The following KIAA1217 variants were observed in gnomAD, a reference collection of about 807,000 sequenced individuals.
KIAA1217 encodes sickle tail protein homolog.
A neutral mutation model predicts 163.9 loss-of-function variants in KIAA1217; 88 were observed. The ratio of observed to expected loss-of-function variants is 0.54; its 90% confidence interval spans 0.45 to 0.64. KIAA1217 has a LOEUF of 0.64. KIAA1217 is among the 30% of genes least tolerant of loss of function. The pLI, the probability that KIAA1217 is intolerant of heterozygous loss-of-function variation, is 0.00. For synonymous variants in KIAA1217, 903 were observed against 923.1 expected (o/e 0.98, Z 0.39); for missense variants, 2,372 against 2,475.0 (o/e 0.96, Z 0.88).
At chr10:24,405,868 A>T (rs188386787) in intron 3 of KIAA1217, among the ~76,000 whole-genome samples, 1 of 152,328 alleles carries the variant, frequency 6.6e-6, no homozygotes, top group Admixed American at 6.5e-5. Flanking sequence ...TCCCCTCTTG[A>T]GCATAATGAA....
intron 1 of KIAA1217, among the ~76,000 whole-genome samples, chr10:23,923,557 A>C (rs1842921815): frequency 6.6e-6 from 1 of 152,146 alleles, no homozygotes; most frequent in Admixed American, 6.5e-5. Context: ...AGATTTGACT[A>C]CACACAGGAT....
At chr10:23,938,179 C>T (rs577696841) in intron 1 of KIAA1217, among the ~76,000 whole-genome samples, 36 of 152,236 alleles carry the variant, frequency 2.4e-4, no homozygotes, top group Non-Finnish European at 3.7e-4. Context: ...TCAGAGCTCA[C>T]GCAAGACTTG....
At chr10:24,489,892 A>G (rs2133614892) in intron 6 of KIAA1217, among the ~76,000 whole-genome samples, 1 of 148,718 alleles carries the variant, frequency 6.7e-6, no homozygotes, top group Admixed American at 6.7e-5. Context: ...AAAAGGTTCT[A>G]TAAATGGAGT....
chr10:23,696,011 G>A (rs911010240), intron 1 of KIAA1217, among the ~76,000 whole-genome samples: 3 of 152,168 alleles, frequency 2.0e-5, no homozygotes, highest in South Asian at 2.1e-4. Flanking sequence ...CGGGTCCTCC[G>A]AGACCCCGGA....
intron 2 of KIAA1217, among the ~76,000 whole-genome samples, chr10:24,069,397 C>T (rs1313484524): frequency 6.6e-6 from 1 of 152,130 alleles, no homozygotes; most frequent in African/African-American, 2.4e-5. Context: ...TTCAAACTGC[C>T]ACCTTTGTTC....
rs35966270 is a variant in KIAA1217 at position 24,090,332 on chromosome 10, C to CTTTTTTTTT, written c.-171+82978_-171+82986dup. Among the ~76,000 whole-genome samples the CTTTTTTTTT allele has an allele frequency of 4.6e-4, 27 of 58,936 alleles. 6 individuals carry two copies. Among genetic ancestry groups the CTTTTTTTTT allele is most frequent in the African/African-American group, 2.8e-3 (24 of 8,546 alleles). 38.7% of individuals were successfully genotyped at this position (58,936 alleles called of 152,430 possible). On this transcript the variant is annotated intron_variant, in intron 2 of 18. Transcript: ENST00000376462. ...CAGGCATGCACCCTCACATCCTGCT[C>CTTTTTTTTT]TTTTTTTTTTTTTTTTTTTTTTTTT...
At chr10:23,858,672 G>T (rs1839818226) in intron 1 of KIAA1217, among the ~76,000 whole-genome samples, 1 of 151,960 alleles carries the variant, frequency 6.6e-6, no homozygotes, top group South Asian at 2.1e-4. Context: ...ATCAGTCCTA[G>T]GATCCCTCCA....
chr10:24,114,323 T>C (rs1403188554), intron 2 of KIAA1217, among the ~76,000 whole-genome samples: 1 of 151,892 alleles, frequency 6.6e-6, no homozygotes, highest in Non-Finnish European at 1.5e-5. Flanking sequence ...ACATGTACCC[T>C]AAAACTTAAA....
chr10:23,836,407 A>C (rs573576549), intron 1 of KIAA1217, among the ~76,000 whole-genome samples: 1 of 152,220 alleles, frequency 6.6e-6, no homozygotes, highest in African/African-American at 2.4e-5. Context: ...AAGGAGGACC[A>C]TGTGAAGACA....
chr10:24,281,799 G>A (rs890892813), intron 2 of KIAA1217, among the ~76,000 whole-genome samples: 1 of 152,054 alleles, frequency 6.6e-6, no homozygotes, highest in African/African-American at 2.4e-5. Flanking sequence ...GGTGGCTCAC[G>A]CCTGTAATCC....
intron 1 of KIAA1217, among the ~76,000 whole-genome samples, chr10:23,973,642 A>G (rs1430669783): frequency 6.6e-6 from 1 of 152,222 alleles, no homozygotes; most frequent in Non-Finnish European, 1.5e-5. Context: ...TTCTTATGTC[A>G]TTGAATATAC....
At chr10:23,759,139 G>T (rs1834107293) in intron 1 of KIAA1217, among the ~76,000 whole-genome samples, 1 of 151,898 alleles carries the variant, frequency 6.6e-6, no homozygotes, top group South Asian at 2.1e-4. Flanking sequence ...TACCTCCTTG[G>T]TTATGTTAAT....
chr10:24,080,130 C>G (rs11013884), intron 2 of KIAA1217, among the ~76,000 whole-genome samples: 2 of 152,140 alleles, frequency 1.3e-5, no homozygotes, highest in Admixed American at 1.3e-4. Context: ...TGTTGAGTGG[C>G]TTCCAAGACC....
At chr10:24,436,629 G>A (rs910586304) in intron 4 of KIAA1217, among the ~76,000 whole-genome samples, 2 of 151,816 alleles carry the variant, frequency 1.3e-5, no homozygotes, top group South Asian at 2.1e-4. Context: ...GTGGTGGCGG[G>A]CACCTGTAGT....
At chr10:23,953,827 T>C (rs1844443815) in intron 1 of KIAA1217, among the ~76,000 whole-genome samples, 1 of 152,196 alleles carries the variant, frequency 6.6e-6, no homozygotes, top group Non-Finnish European at 1.5e-5. Flanking sequence ...ATATCAAGTG[T>C]TAATGAAGAA....
chr10:24,360,040 CTTT>C (rs34396312), intron 2 of KIAA1217, among the ~76,000 whole-genome samples: 225 of 94,246 alleles, frequency 2.4e-3, no homozygotes, highest in African/African-American at 9.4e-3. Flanking sequence ...GATATAATTA[CTTT>C]TTTTTTTTTT....
chr10:23,853,820 C>A (rs199569431), intron 1 of KIAA1217, among the ~76,000 whole-genome samples: 2 of 152,250 alleles, frequency 1.3e-5, no homozygotes, highest in East Asian at 3.9e-4. Flanking sequence ...TTATAGCATT[C>A]TCTGATGGTA....
chr10:24,064,634 A>G (rs1260831250), intron 2 of KIAA1217, among the ~76,000 whole-genome samples: 1 of 152,108 alleles, frequency 6.6e-6, no homozygotes, highest in Non-Finnish European at 1.5e-5. Flanking sequence ...TGGCTTTGGT[A>G]TCAGGATGAT....
At chr10:23,783,475 T>TGAG (rs1277778550) in intron 1 of KIAA1217, among the ~76,000 whole-genome samples, 1 of 152,212 alleles carries the variant, frequency 6.6e-6, no homozygotes, top group Non-Finnish European at 1.5e-5. Context: ...GGTATCTAAT[T>TGAG]GAGGATTTTT....
Sources: allele counts gnomAD v4.1 joint callset (sites outside exome capture counted in the v4.1 genomes callset), GRCh38; gene constraint gnomAD v4.1.1; transcripts MANE v1.5; gene names NCBI Gene and HGNC (gene_info 2026-07-23, HGNC 2026-07-21).